TSHZ3: variants seen among roughly 807,000 people sequenced by gnomAD.
TSHZ3 encodes the protein teashirt homolog 3.
In TSHZ3, 10 loss-of-function variants were observed where a neutral mutation model predicts 64.5. That is an observed-to-expected ratio of 0.16 (90% CI 0.10 to 0.26). TSHZ3 has a LOEUF of 0.26. TSHZ3 is among the 10% of genes least tolerant of loss of function. The pLI is 1.00. For missense variants in TSHZ3, 1,242 were observed against 1,421.7 expected (o/e 0.87, Z 2.03); for synonymous variants, 608 against 593.1 (o/e 1.03, Z -0.36).
At chr19:31,161,958 C>T (rs372969484) in intron 5 of TSHZ3, among the ~76,000 whole-genome samples, 4 of 152,334 alleles carry the variant, frequency 2.6e-5, no homozygotes, top group South Asian at 2.1e-4. Context: ...TCCTGACCCC[C>T]GCCATCCACC....
intron 1 of TSHZ3, among the ~76,000 whole-genome samples, chr19:31,337,720 AACACACACACACACACAC>A (rs372251116): frequency 2.1e-5 from 3 of 145,978 alleles, no homozygotes; most frequent in African/African-American, 7.6e-5. Flanking sequence ...TTTCAAAATA[AACACACACACACACACAC>A]ACACACACAC....
chr19:31,174,481 T>C (rs1016264568), intron 5 of TSHZ3, among the ~76,000 whole-genome samples: 2 of 152,200 alleles, frequency 1.3e-5, no homozygotes, highest in African/African-American at 4.8e-5. Flanking sequence ...CCAGAAACAC[T>C]CTCACAGAAA....
chr19:31,259,773 A>G (rs1211069034), intron 1 of TSHZ3, among the ~76,000 whole-genome samples: 1 of 152,148 alleles, frequency 6.6e-6, no homozygotes, highest in Non-Finnish European at 1.5e-5. Flanking sequence ...AGGGAAGAGG[A>G]GAGAATGGTG....
rs553548974 is a variant in TSHZ3 at position 31,266,709 on chromosome 19, C to A, written n.64-23834G>T. Among the ~76,000 whole-genome samples, 5 of 152,278 alleles carry A rather than the reference C, an allele frequency of 3.3e-5. No homozygotes were observed. The East Asian group carries it at 9.7e-4, about 29-fold the overall frequency. On this transcript the variant is annotated intron_variant and non_coding_transcript_variant, in intron 1 of 6. Coordinates refer to the TSHZ3 transcript ENST00000651361. ...CTAATAAATCCCCATCTGAGACACACGGGAATAGAATAAAATGCATTTATC... is the reference window on the plus strand; with the variant it reads ...CTAATAAATCCCCATCTGAGACACAAGGGAATAGAATAAAATGCATTTATC...
chr19:31,224,125 A>G (rs997667263), intron 4 of TSHZ3, among the ~76,000 whole-genome samples: 2 of 152,202 alleles, frequency 1.3e-5, no homozygotes, highest in Middle Eastern at 3.2e-3. Context: ...GCACGGAGAT[A>G]TAACTTTTGC....
At position 31,275,784 on chromosome 19, in the gene TSHZ3, AC is replaced by A. The variant is rs1976219107; in HGVS notation, c.*762del. Reference sequence around the variant, plus strand: ...AATTTACAATGTTTGCATGTAAAAAACAAAACCCATAGACCTTAAAAAAAAG... The same window carrying A: ...AATTTACAATGTTTGCATGTAAAAAAAAAACCCATAGACCTTAAAAAAAAG... On this transcript the variant is annotated 3_prime_UTR_variant, in exon 2 of 2. Coordinates refer to ENST00000240587, the MANE Select transcript of TSHZ3 (RefSeq NM_020856.4). 1 of 152,624 alleles carries A rather than the reference AC, an allele frequency of 6.6e-6. No individual in the cohort carries two copies. The highest frequency in any genetic ancestry group is 2.1e-4 in the South Asian group (1 of 4,828). 9.5% of individuals were successfully genotyped at this position (152,624 alleles called of 1,614,324 possible).
chr19:31,192,760 C>T (rs140538875), intron 5 of TSHZ3, among the ~76,000 whole-genome samples: 18 of 152,272 alleles, frequency 1.2e-4, no homozygotes, highest in Admixed American at 2.6e-4. Flanking sequence ...CTTATGTTGA[C>T]GCAAACAACA....
At chr19:31,328,728 A>C (rs1916994229) in intron 1 of TSHZ3, among the ~76,000 whole-genome samples, 1 of 152,218 alleles carries the variant, frequency 6.6e-6, no homozygotes, top group African/African-American at 2.4e-5. Flanking sequence ...CCTAGATGGT[A>C]TATAAACTCC....
intron 1 of TSHZ3, among the ~76,000 whole-genome samples, chr19:31,267,460 C>T (rs557252039): frequency 6.6e-6 from 1 of 152,108 alleles, no homozygotes; most frequent in East Asian, 1.9e-4. Flanking sequence ...CCTCAATCCC[C>T]CACCACTCCT....
At chr19:31,161,788 T>C (rs1974377196) in intron 5 of TSHZ3, among the ~76,000 whole-genome samples, 1 of 152,196 alleles carries the variant, frequency 6.6e-6, no homozygotes, top group South Asian at 2.1e-4. Context: ...AGATAGTAAA[T>C]ATTTTTGGCT....
intron 5 of TSHZ3, among the ~76,000 whole-genome samples, chr19:31,177,114 C>A (rs1974621237): frequency 6.6e-6 from 1 of 152,206 alleles, no homozygotes; most frequent in African/African-American, 2.4e-5. Context: ...CCTATCCCAG[C>A]AGACTTTTCC....
intron 4 of TSHZ3, among the ~76,000 whole-genome samples, chr19:31,216,187 C>T (rs567692709): frequency 4.6e-5 from 7 of 152,128 alleles, no homozygotes; most frequent in African/African-American, 1.2e-4. Context: ...GCCATCAAAT[C>T]GTTCTTAAAT....
chr19:31,164,845 C>T lies in TSHZ3; in HGVS notation n.810-8428G>A, dbSNP rs952922389. Among the ~76,000 whole-genome samples, 4 of 152,322 alleles carry T rather than the reference C, an allele frequency of 2.6e-5. No individual in the cohort carries two copies. The South Asian group carries it at 8.3e-4, about 32-fold the overall frequency. ...AACAGGACATCAAATGGTTAATACA[C>T]CACCCATCGTCTTTGATTTATGAAG... On this transcript the variant is annotated intron_variant and non_coding_transcript_variant, in intron 5 of 6. Coordinates refer to the TSHZ3 transcript ENST00000651361.
intron 1 of TSHZ3, among the ~76,000 whole-genome samples, chr19:31,260,833 A>C (rs1226166160): frequency 6.6e-6 from 1 of 152,210 alleles, no homozygotes; most frequent in Non-Finnish European, 1.5e-5. Context: ...CTGTGTTAGC[A>C]CTTAGGAAGG....
chr19:31,245,825 C>A (rs1402442067), intron 1 of TSHZ3, among the ~76,000 whole-genome samples: 1 of 152,150 alleles, frequency 6.6e-6, no homozygotes, highest in African/African-American at 2.4e-5. Context: ...GCATTCATTG[C>A]AGGTAGTGTG....
At chr19:31,246,685 C>T (rs573914684) in intron 1 of TSHZ3, among the ~76,000 whole-genome samples, 6 of 152,088 alleles carry the variant, frequency 3.9e-5, no homozygotes, top group Non-Finnish European at 5.9e-5. Flanking sequence ...CATATGCATA[C>T]GCACAGAGGA....
chr19:31,172,308 G>T (rs891060735), intron 5 of TSHZ3, among the ~76,000 whole-genome samples: 1 of 152,214 alleles, frequency 6.6e-6, no homozygotes. Context: ...AACACTGTCT[G>T]TCTAATAGGA....
Position 31,154,848 on chromosome 19 carries a change from T to TA in TSHZ3, n.871+1507_871+1508insT, listed in dbSNP as rs568975303. Among the ~76,000 whole-genome samples the TA allele has an allele frequency of 1.9e-3, 295 of 152,034 alleles. 5 individuals are homozygous for TA. Among genetic ancestry groups the TA allele is most frequent in the Non-Finnish European group, 4.9e-4 (33 of 67,880 alleles). On this transcript the variant is annotated intron_variant and non_coding_transcript_variant, in intron 6 of 6. Transcript: ENST00000651361. ...TTTTAGGCTTGAAGGCAGGGTTTTG[T>TA]GGGGGGACACTTGCTGCCTCCTGTC...
intron 6 of TSHZ3, among the ~76,000 whole-genome samples, chr19:31,156,012 A>G (rs1286070208): frequency 1.3e-5 from 2 of 152,240 alleles, no homozygotes; most frequent in Admixed American, 1.3e-4. Flanking sequence ...GTTGTTAACC[A>G]ATCTGGCTCA....
Sources: gnomAD v4.1 joint callset for allele counts (sites outside exome capture counted in the v4.1 genomes callset) on GRCh38, gnomAD v4.1.1 for gene constraint, MANE v1.5 for transcripts, NCBI Gene and HGNC (gene_info 2026-07-23, HGNC 2026-07-21) for gene names.